The following TMPRSS9 variants were observed in gnomAD, a reference collection of about 807,000 sequenced individuals.
The protein encoded by TMPRSS9 is transmembrane serine protease 9.
Under a neutral mutation model 111.4 loss-of-function variants are expected in TMPRSS9, and 113 were observed. The ratio of observed to expected loss-of-function variants is 1.01; its 90% CI spans 0.87 to 1.19. The LOEUF (loss-of-function observed/expected upper bound fraction) is 1.19, where lower values mean the gene tolerates loss of function less well. Among genes scored for constraint, TMPRSS9 ranks in the 50% most tolerant of loss-of-function variants. TMPRSS9 has a pLI of 0.00. For missense variants in TMPRSS9, 1,803 were observed against 1,513.1 expected (o/e 1.19, Z -3.18); for synonymous variants, 805 against 659.1 (o/e 1.22, Z -3.39).
intron 1 of TMPRSS9, chr19:2,396,312 G>C: frequency 2.1e-6 from 1 of 479,550 alleles, no homozygotes; most frequent in East Asian, 3.4e-5. Context: ...CTCCGGGTGG[G>C]TGGCTGTCAT....
Position 2,410,106 on chromosome 19 carries a change from G to C in TMPRSS9, c.1118-152G>C, listed in dbSNP as rs1971062722. On this transcript the variant is annotated intron_variant, in intron 8 of 17. Transcript: ENST00000648592. ...TTACCAGGTGGGGTGTTTACCTTTT[G>C]TAGTTTCAGAGCCATGTGTTGTAGG... The C allele has an allele frequency of 1.1e-5, 12 of 1,107,212 alleles. No individual in the cohort carries two copies. In the South Asian group the frequency reaches 1.8e-4, roughly 16 times the overall value. The allele number at this position is 1,107,212 out of a possible 1,614,324, so 68.6% of individuals were successfully genotyped here.
At chr19:2,424,537 C>CCCA (rs1293312324) in intron 15 of TMPRSS9, among the ~76,000 whole-genome samples, 1 of 138,926 alleles carries the variant, frequency 7.2e-6, no homozygotes, top group African/African-American at 2.8e-5. Flanking sequence ...AGCTGCGGCC[C>CCCA]CCCCCCTCCA....
chr19:2,388,443 C>A (rs1471860778), upstream of TMPRSS9, among the ~76,000 whole-genome samples: 1 of 152,020 alleles, frequency 6.6e-6, no homozygotes, highest in Non-Finnish European at 1.5e-5. Context: ...AGAGGCTGCA[C>A]TGTGGCTGTG....
chr19:2,424,187 C>T lies in TMPRSS9; in HGVS notation c.2647C>T (p.Arg883Trp), dbSNP rs199503794. 42 of 1,461,850 alleles carry T rather than the reference C, an allele frequency of 2.9e-5. No individual in the cohort carries two copies. The African/African-American group carries it at 3.1e-4, about 11-fold the overall frequency. 90.6% of individuals were successfully genotyped at this position (1,461,850 alleles called of 1,614,324 possible). ...GCAGGTGAGCCTGTGGCTGCGGCGC[C>T]GGGAACACCGTTGCGGGGCCGTGCT... Residue 883 changes from arginine to tryptophan, a missense_variant, in exon 15 of 18, where the codon CGG becomes TGG. Transcript: ENST00000648592.
At chr19:2,365,297 T>A (rs1209043366) in intron 1 of TMPRSS9, among the ~76,000 whole-genome samples, 1 of 151,674 alleles carries the variant, frequency 6.6e-6, no homozygotes, top group Non-Finnish European at 1.5e-5. Context: ...CACAAACACC[T>A]CTTCCCATGA....
chr19:2,400,740 G>A (rs1029035337), intron 4 of TMPRSS9, among the ~76,000 whole-genome samples: 3 of 151,568 alleles, frequency 2.0e-5, no homozygotes, highest in Non-Finnish European at 2.9e-5. Flanking sequence ...TTGGGAGGCC[G>A]AGGTGGGTGG....
chr19:2,378,367 A>G (rs79922381), intron 1 of TMPRSS9, among the ~76,000 whole-genome samples: 2 of 152,278 alleles, frequency 1.3e-5, no homozygotes, highest in African/African-American at 2.4e-5. Context: ...AACTGGGACC[A>G]TTGGTCCCTG....
At chr19:2,401,506 C>T (rs575001743) in intron 4 of TMPRSS9, among the ~76,000 whole-genome samples, 15 of 152,282 alleles carry the variant, frequency 9.9e-5, no homozygotes, top group African/African-American at 3.6e-4. Context: ...AAGTAGATTT[C>T]ATCCTCGCTG....
At chr19:2,397,480 C>G (rs900869281) in intron 2 of TMPRSS9, among the ~76,000 whole-genome samples, 2 of 152,058 alleles carry the variant, frequency 1.3e-5, no homozygotes, top group Admixed American at 6.6e-5. Context: ...TGGCTATGCA[C>G]ACACTGGAAT....
intron 9 of TMPRSS9, among the ~76,000 whole-genome samples, chr19:2,411,927 GTTC>G (rs1024765503): frequency 6.6e-6 from 1 of 152,174 alleles, no homozygotes; most frequent in Non-Finnish European, 1.5e-5. Flanking sequence ...GCAGTGTCCT[GTTC>G]TTGTTTCGTG....
In TMPRSS9 at chr19:2,377,873, T is replaced by C. The variant is rs191935010; in HGVS notation, c.-25-11888T>C. On this transcript the variant is annotated intron_variant, in intron 1 of 17. Coordinates refer to the TMPRSS9 transcript ENST00000649857. ...GACTACAGATATGTGCCACTATGCCTGGCTAATTTTTACAATTTTTTTGCA... is the reference window on the plus strand; with the variant it reads ...GACTACAGATATGTGCCACTATGCCCGGCTAATTTTTACAATTTTTTTGCA... Among the ~76,000 whole-genome samples the C allele has an allele frequency of 8.2e-4, 121 of 147,196 alleles. 1 individual carries two copies. The highest frequency in any genetic ancestry group is 3.0e-3 in the African/African-American group (120 of 39,646).
At chr19:2,390,181 G>A (rs1970555270) in intron 1 of TMPRSS9, among the ~76,000 whole-genome samples, 1 of 151,852 alleles carries the variant, frequency 6.6e-6, no homozygotes, top group Non-Finnish European at 1.5e-5. Flanking sequence ...ACAGAGACAG[G>A]GAAATGACCT....
intron 1 of TMPRSS9, among the ~76,000 whole-genome samples, chr19:2,361,455 C>T (rs919466399): frequency 6.6e-5 from 10 of 151,770 alleles, no homozygotes; most frequent in African/African-American, 2.4e-4. Context: ...TTCTCACCCT[C>T]GGAGCCGCTT....
chr19:2,419,582 T>A lies in TMPRSS9; in HGVS notation c.2154+1444T>A, dbSNP rs1971417914. Among the ~76,000 whole-genome samples, 15 of 151,784 alleles carry A rather than the reference T, an allele frequency of 9.9e-5. No homozygotes were observed. The South Asian group carries it at 3.1e-3, about 32-fold the overall frequency. Reference sequence around the variant, plus strand: ...CCCAGGCTGGAGTGTAGTGGCGTGATCTCGGCTCACTGCAACCTCTGCCTC... The same window carrying A: ...CCCAGGCTGGAGTGTAGTGGCGTGAACTCGGCTCACTGCAACCTCTGCCTC... On this transcript the variant is annotated intron_variant, in intron 13 of 17. Coordinates refer to ENST00000648592, the Ensembl canonical transcript of TMPRSS9.
intron 6 of TMPRSS9, among the ~76,000 whole-genome samples, chr19:2,404,413 C>T: frequency 6.6e-6 from 1 of 151,696 alleles, no homozygotes; most frequent in Non-Finnish European, 1.5e-5. Context: ...TGCAGTGGGT[C>T]ACGCCTGTAA....
At chr19:2,371,303 C>A (rs1599275135) in intron 1 of TMPRSS9, among the ~76,000 whole-genome samples, 1 of 152,328 alleles carries the variant, frequency 6.6e-6, no homozygotes, top group East Asian at 1.9e-4. Context: ...CCTAGTCCCT[C>A]CTTGGGGGCC....
intron 13 of TMPRSS9, among the ~76,000 whole-genome samples, chr19:2,419,940 G>T (rs1012633025): frequency 6.6e-6 from 1 of 152,120 alleles, no homozygotes; most frequent in African/African-American, 2.4e-5. Flanking sequence ...GGTAGGATCA[G>T]TCGAGGCCAG....
chr19:2,426,141 A>C, exon 18 of TMPRSS9: 2 of 1,463,222 alleles, frequency 1.4e-6, no homozygotes, highest in African/African-American at 4.2e-5. Flanking sequence ...CAGGAGCAGC[A>C]GGCCACCCAA....
chr19:2,372,393 C>T (rs913919405), intron 1 of TMPRSS9, among the ~76,000 whole-genome samples: 1 of 152,134 alleles, frequency 6.6e-6, no homozygotes, highest in Non-Finnish European at 1.5e-5. Flanking sequence ...GATGCCTCTT[C>T]TTGTCAAGGG....
Sources: gnomAD v4.1 joint callset for allele counts (sites outside exome capture counted in the v4.1 genomes callset) on GRCh38, gnomAD v4.1.1 for gene constraint, MANE v1.5 for transcripts, NCBI Gene and HGNC (gene_info 2026-07-23, HGNC 2026-07-21) for gene names.